The following ZNF280B variants were observed in gnomAD, a reference collection of about 807,000 sequenced individuals.
ZNF280B encodes the protein suppressor of hairy wing homolog 2.
In ZNF280B, 16 loss-of-function variants were observed where a neutral mutation model predicts 38.0. That is an observed-to-expected ratio of 0.42 (90% CI 0.28 to 0.64). The LOEUF is 0.64. Among genes scored for constraint, ZNF280B ranks in the 30% least tolerant of loss-of-function variants. The pLI is 0.21. For synonymous variants in ZNF280B, 253 were observed against 230.6 expected (o/e 1.10, Z -0.88); for missense variants, 581 against 639.6 (o/e 0.91, Z 0.99).
intron 2 of ZNF280B, among the ~76,000 whole-genome samples, chr22:22,500,744 A>T (rs2061799782): frequency 6.6e-6 from 1 of 151,892 alleles, no homozygotes; most frequent in Non-Finnish European, 1.5e-5. Flanking sequence ...CTATAAACCC[A>T]GCTACTTGGG....
rs1490838827 is a variant in ZNF280B at position 22,489,157 on chromosome 22, TC to T, written c.241del (p.Asp81IlefsTer19). The T allele has an allele frequency of 8.1e-6, 13 of 1,613,750 alleles. No individual in the cohort carries two copies. The highest frequency in any genetic ancestry group is 1.0e-5 in the Non-Finnish European group (12 of 1,179,974). The part of the protein sequence containing the change: ...RRKKYDHLRK[D>X]TARKLQPKSH... Reference sequence around the variant, plus strand: ...TTTAGGCTGCAATTTGCGAGCAGTATCTTTTCTAAGGTGATCATACTTTTTT... The same window carrying T: ...TTTAGGCTGCAATTTGCGAGCAGTATTTTTCTAAGGTGATCATACTTTTTT... On this transcript the variant is annotated frameshift_variant, in exon 4 of 4. Transcript: ENST00000626650. LOFTEE classifies it high-confidence loss of function.
chr22:22,505,594 T>TAA (rs2061921623), intron 2 of ZNF280B, among the ~76,000 whole-genome samples: 3 of 116,888 alleles, frequency 2.6e-5, no homozygotes, highest in African/African-American at 1.1e-4. Flanking sequence ...AAAAATAAAA[T>TAA]AATAATAATA....
rs1006656847 is a variant in ZNF280B, at chr22:22,487,115, A to C, written c.*652T>G. 6.6e-6 allele frequency: 1 copy of C among 151,940 alleles called. No homozygotes were observed. Among genetic ancestry groups the C allele is most frequent in the Non-Finnish European group, 1.5e-5 (1 of 67,998 alleles). The allele number at this position is 151,940 out of a possible 1,614,324, so 9.4% of individuals were successfully genotyped here. A position where few individuals can be genotyped will look rare whatever the true frequency, so the allele number is the denominator to read the frequency against. On this transcript the variant is annotated 3_prime_UTR_variant, in exon 4 of 4. Coordinates refer to ENST00000626650, the MANE Select transcript of ZNF280B (RefSeq NM_080764.4). ...TATGAATTCTGTATATAGAAAAAAG[A>C]GCTTTCAAGCTTAGGAGTAACATGA...
intron 2 of ZNF280B, among the ~76,000 whole-genome samples, chr22:22,499,598 C>A (rs1183074473): frequency 6.6e-6 from 1 of 152,062 alleles, no homozygotes; most frequent in East Asian, 2.0e-4. Flanking sequence ...AAAAACTACA[C>A]CTGCCTGCAG....
chr22:22,493,083 T>C (rs1313127703), intron 3 of ZNF280B, among the ~76,000 whole-genome samples: 2 of 151,722 alleles, frequency 1.3e-5, no homozygotes, highest in African/African-American at 2.4e-5. Flanking sequence ...CGATCTCGGC[T>C]CACTGCAACC....
At position 22,494,101 on chromosome 22, in the gene ZNF280B, A is replaced by C. The variant is rs1246565973; in HGVS notation, c.-107T>G. ...TCTGTCATGTGAGAACACAGCAAGA[A>C]GGCTGTCATCCACCAGCCAGGAAGA... On this transcript the variant is annotated 5_prime_UTR_variant, in exon 3 of 4. Transcript: ENST00000626650. 6.6e-6 allele frequency: 1 copy of C among 152,036 alleles called. No homozygotes were observed. The highest frequency in any genetic ancestry group is 2.4e-5 in the African/African-American group (1 of 41,418). The allele number at this position is 152,036 out of a possible 1,614,324, so 9.4% of individuals were successfully genotyped here.
rs1336289319 is a variant in ZNF280B at position 22,485,226 on chromosome 22, A to C, written c.*2541T>G. On this transcript the variant is annotated 3_prime_UTR_variant, in exon 4 of 4. Coordinates refer to ENST00000626650, the MANE Select transcript of ZNF280B (RefSeq NM_080764.4). ...ATGCTTTAATGAGACTGCAAACAACAGTGTTGATAATACCAACCAATCACT... is the reference window on the plus strand; with the variant it reads ...ATGCTTTAATGAGACTGCAAACAACCGTGTTGATAATACCAACCAATCACT... The C allele has an allele frequency of 6.6e-6, 1 of 152,000 alleles. No individual in the cohort carries two copies. The highest frequency in any genetic ancestry group is 2.4e-5 in the African/African-American group (1 of 41,384). 9.4% of individuals were successfully genotyped at this position (152,000 alleles called of 1,614,324 possible). A position where few individuals can be genotyped will look rare whatever the true frequency, so the allele number is the denominator to read the frequency against.
In ZNF280B at chr22:22,485,165, G is replaced by T. The variant is rs554277146; in HGVS notation, c.*2602C>A. On this transcript the variant is annotated 3_prime_UTR_variant, in exon 4 of 4. Transcript: ENST00000626650. The stretch of plus-strand genomic sequence containing the variant: ...AGGGGCCAGATCACTGGAATCTACA[G>T]TTGGCAATTAATGACCATATGTACT... 1.3e-5 allele frequency: 2 copies of T among 152,126 alleles called. No individual in the cohort carries two copies. Among genetic ancestry groups the T allele is most frequent in the East Asian group, 3.9e-4 (2 of 5,106 alleles). The allele number at this position is 152,126 out of a possible 1,614,324, so 9.4% of individuals were successfully genotyped here. A position where few individuals can be genotyped will look rare whatever the true frequency, so the allele number is the denominator to read the frequency against.
intron 3 of ZNF280B, among the ~76,000 whole-genome samples, chr22:22,490,592 T>C (rs1165117429): frequency 8.6e-5 from 13 of 151,874 alleles, no homozygotes; most frequent in African/African-American, 2.9e-4. Flanking sequence ...CTCAGCCTCC[T>C]GAGTAGCTGG....
Position 22,488,973 on chromosome 22 carries a change from A to G in ZNF280B, c.426T>C (p.Pro142=). The change falls in exon 4 of 4, where the codon CCT becomes CCC. Residue 142 remains proline, a synonymous_variant. Transcript: ENST00000626650. The stretch of plus-strand genomic sequence containing the variant: ...AATCTGTGAATGTAATCAAAGGAGA[A>G]GGTAATTCTGAAGAGTTATTAGGCA... ...QVVPNNSSEL[P]SPLITFTDSL... 1 of 1,613,880 alleles carries G rather than the reference A, an allele frequency of 6.2e-7. No individual in the cohort carries two copies. The highest frequency in any genetic ancestry group is 8.5e-7 in the Non-Finnish European group (1 of 1,179,972).
chr22:22,488,929 C>G lies in ZNF280B; in HGVS notation c.470G>C (p.Ser157Thr), dbSNP rs148394621. ...TATACCTCCTACTGAAAGTGCTGTACTTACTGGATGATGCAATGAATCTGT... is the reference window on the plus strand; with the variant it reads ...TATACCTCCTACTGAAAGTGCTGTAGTTACTGGATGATGCAATGAATCTGT... ...TFTDSLHHPV[S>T]TALSVGGINE... The change falls in exon 4 of 4, where the codon AGT (serine) becomes ACT (threonine). Residue 157 changes from serine to threonine, a missense_variant. Physicochemically the swap from Ser to Thr is moderately conservative, Grantham distance 58. Coordinates refer to ENST00000626650, the MANE Select transcript of ZNF280B (RefSeq NM_080764.4). The G allele has an allele frequency of 3.7e-6, 6 of 1,613,650 alleles. No individual in the cohort carries two copies. The African/African-American group carries it at 8.0e-5, about 22-fold the overall frequency.
rs765144960 is a variant in ZNF280B at position 22,488,296 on chromosome 22, G to C, written c.1103C>G (p.Ala368Gly). The change falls in exon 4 of 4, where the codon GCC becomes GGC. Residue 368 changes from alanine to glycine, a missense_variant. Ala to Gly is a moderately conservative substitution (Grantham distance 60). Coordinates refer to ENST00000626650, the MANE Select transcript of ZNF280B (RefSeq NM_080764.4). ...LQCHIENVHT[A>G]QEPSTVCKIC... The stretch of plus-strand genomic sequence containing the variant: ...TTTACAGACAGTAGAGGGCTCCTGG[G>C]CAGTGTGGACATTTTCGATGTGACA... 1 of 1,613,854 alleles carries C rather than the reference G, an allele frequency of 6.2e-7. No individual in the cohort carries two copies. The highest frequency in any genetic ancestry group is 8.5e-7 in the Non-Finnish European group (1 of 1,179,958).
chr22:22,502,221 C>CAT (rs1189232489), intron 2 of ZNF280B, among the ~76,000 whole-genome samples: 1 of 151,962 alleles, frequency 6.6e-6, no homozygotes, highest in Non-Finnish European at 1.5e-5. Context: ...TCAATATAGT[C>CAT]ATTAAGGAAA....
Position 22,491,969 on chromosome 22 carries a change from C to G in ZNF280B, c.-69+2094G>C, listed in dbSNP as rs570423640. The stretch of plus-strand genomic sequence containing the variant: ...TGTGGACCCTTCAAATCAGCATAAT[C>G]CAAAGCATAAAAATTAAATTGACAT... On this transcript the variant is annotated intron_variant, in intron 3 of 3. Coordinates refer to ENST00000626650, the MANE Select transcript of ZNF280B (RefSeq NM_080764.4). Among the ~76,000 whole-genome samples the G allele has an allele frequency of 2.0e-5, 3 of 151,978 alleles. No homozygotes were observed. In the East Asian group the frequency reaches 5.9e-4, roughly 30 times the overall value.
Position 22,487,813 on chromosome 22 carries a change from G to A in ZNF280B, c.1586C>T (p.Pro529Leu). 1 of 1,606,792 alleles carries A rather than the reference G, an allele frequency of 6.2e-7. No homozygotes were observed. Among genetic ancestry groups the A allele is most frequent in the Non-Finnish European group, 8.5e-7 (1 of 1,177,528 alleles). Reference protein sequence around the residue: ...SITVSTSDSEPSLPRSKSKIS... With the variant: ...SITVSTSDSELSLPRSKSKIS... ...TTTGCTTTTAGACCTGGGGAGTGAT[G>A]GTTCAGAGTCAGATGTGCTCACAGT... is the stretch of plus-strand genomic sequence containing the variant. Residue 529 changes from proline (P) to leucine (L), a missense_variant, in exon 4 of 4, where the codon CCA (proline) becomes CTA (leucine). Physicochemically the swap from Pro to Leu is moderately conservative, Grantham distance 98. Transcript: ENST00000626650.
chr22:22,486,773 T>C lies in ZNF280B; in HGVS notation c.*994A>G, dbSNP rs2061507801. On this transcript the variant is annotated 3_prime_UTR_variant, in exon 4 of 4. Coordinates refer to ENST00000626650, the MANE Select transcript of ZNF280B (RefSeq NM_080764.4). ...GGTAGGTAAAGACACTCTGAAGCAG[T>C]GTTCCTTTTGACCTGGCCCCAAGAC... 1.3e-5 allele frequency: 2 copies of C among 152,016 alleles called. No homozygotes were observed. The highest frequency in any genetic ancestry group is 6.6e-5 in the Admixed American group (1 of 15,246). 9.4% of individuals were successfully genotyped at this position (152,016 alleles called of 1,614,324 possible).
rs568785926 is a variant in ZNF280B, at chr22:22,489,968, T to C, written c.-68-502A>G. 5.9e-5 allele frequency among the ~76,000 whole-genome samples: 9 copies of C among 152,054 alleles called. No individual in the cohort carries two copies. In the South Asian group the frequency reaches 1.5e-3, roughly 25 times the overall value. On this transcript the variant is annotated intron_variant, in intron 3 of 3. Coordinates refer to ENST00000626650, the MANE Select transcript of ZNF280B (RefSeq NM_080764.4). Reference sequence around the variant, plus strand: ...AATGGCAGCTTGATTTGTAGTGGAATTGGAAGAAAATTACAATAAATGAAA... The same window carrying C: ...AATGGCAGCTTGATTTGTAGTGGAACTGGAAGAAAATTACAATAAATGAAA...
intron 2 of ZNF280B, among the ~76,000 whole-genome samples, chr22:22,506,739 T>G (rs533914595): frequency 1.6e-4 from 25 of 151,940 alleles, no homozygotes; most frequent in African/African-American, 6.0e-4. Context: ...ATAATATCCT[T>G]AAATAAACAA....
chr22:22,495,283 T>C (rs970432717), intron 2 of ZNF280B, among the ~76,000 whole-genome samples: 3 of 151,966 alleles, frequency 2.0e-5, no homozygotes, highest in African/African-American at 7.2e-5. Flanking sequence ...TGAATTGATT[T>C]CTGACTACTT....
Sources: gnomAD v4.1 joint callset for allele counts (sites outside exome capture counted in the v4.1 genomes callset) on GRCh38, gnomAD v4.1.1 for gene constraint, MANE v1.5 for transcripts, NCBI Gene and HGNC (gene_info 2026-07-23, HGNC 2026-07-21) for gene names.